The following BBS12 variants were observed in gnomAD, a reference collection of about 807,000 sequenced individuals.
BBS12 encodes chaperonin-containing T-complex member BBS12.
Under a neutral mutation model 5.6 loss-of-function variants are expected in BBS12, and 5 were observed. The ratio of observed to expected loss-of-function variants is 0.89; its 90% confidence interval spans 0.46 to 1.86. The LOEUF (loss-of-function observed/expected upper bound fraction) is 1.86. BBS12 is among the 40% of genes most tolerant of loss of function. The probability of loss-of-function intolerance (pLI) is 0.01; values close to 1 mark genes in which losing one functional copy is unlikely to be tolerated. For missense variants in BBS12, 748 were observed against 830.4 expected, an observed-to-expected ratio of 0.90 and a Z score of 1.22; for synonymous variants, 308 against 306.8, an observed-to-expected ratio of 1.00 and a Z score of -0.04.
At position 122,743,555 on chromosome 4, in the gene BBS12, G is replaced by A; in HGVS notation, c.1663G>A (p.Glu555Lys). Residue 555 changes from glutamate (E) to lysine (K), a missense_variant, in exon 2 of 2, where the codon GAG becomes AAG. By Grantham distance (56) the Glu-to-Lys change is moderately conservative. Transcript: ENST00000314218. ...TCTTAGCTGTCTTCATATTCTTGCAGAGCAATCTCTGAAAAAAGAAAACCA... is the reference window on the plus strand; with the variant it reads ...TCTTAGCTGTCTTCATATTCTTGCAAAGCAATCTCTGAAAAAAGAAAACCA... ...LCLSCLHILA[E>K]QSLKKENHAC... is the part of the protein sequence containing the mutation. 1.2e-6 allele frequency: 2 copies of A among 1,614,202 alleles called. No homozygotes were observed. The highest frequency in any genetic ancestry group is 2.2e-5 in the South Asian group (2 of 91,080).
At chr4:122,731,576 A>G (rs1376498097), upstream of BBS12, 1 of 152,220 alleles carries the variant, frequency 6.6e-6, no homozygotes, top group African/African-American at 2.4e-5. Flanking sequence ...ATAATGGCAA[A>G]AAAAAATCTT....
At chr4:122,712,765 G>A in the BBS12 span, among the ~76,000 whole-genome samples, 11 of 152,074 alleles carry the variant, frequency 7.2e-5, no homozygotes, top group African/African-American at 1.9e-4. Flanking sequence ...AAAGACTTCT[G>A]TAGAGTTCTA....
the BBS12 span, among the ~76,000 whole-genome samples, chr4:122,713,168 T>A: frequency 1.3e-5 from 2 of 152,352 alleles, no homozygotes; most frequent in African/African-American, 4.8e-5. Flanking sequence ...TATGTGGCTA[T>A]CATTAGAATA....
chr4:122,706,530 T>C, the BBS12 span, among the ~76,000 whole-genome samples: 2 of 152,092 alleles, frequency 1.3e-5, no homozygotes, highest in South Asian at 4.2e-4. Context: ...GAGCCCGGGA[T>C]TGCAAGACCA....
chr4:122,702,530 G>A, the BBS12 span, among the ~76,000 whole-genome samples: 1 of 152,168 alleles, frequency 6.6e-6, no homozygotes, highest in African/African-American at 2.4e-5. Context: ...TGTCTGCAGG[G>A]TAGGCTATGT....
chr4:122,707,518 G>A, the BBS12 span, among the ~76,000 whole-genome samples: 4 of 152,064 alleles, frequency 2.6e-5, no homozygotes, highest in African/African-American at 4.8e-5. Flanking sequence ...CTTGAACCAT[G>A]GGCTTACAAA....
At chr4:122,703,980 C>G in the BBS12 span, among the ~76,000 whole-genome samples, 7 of 152,280 alleles carry the variant, frequency 4.6e-5, no homozygotes, top group African/African-American at 1.7e-4. Flanking sequence ...TCTCGAACAG[C>G]TGGGACCACA....
At chr4:122,725,958 A>C in the BBS12 span, among the ~76,000 whole-genome samples, 1 of 151,654 alleles carries the variant, frequency 6.6e-6, no homozygotes, top group Non-Finnish European at 1.5e-5. Context: ...AAAACCTGCG[A>C]CTATAAAAAT....
the BBS12 span, among the ~76,000 whole-genome samples, chr4:122,701,567 T>C: frequency 2.0e-5 from 3 of 152,334 alleles, no homozygotes; most frequent in African/African-American, 7.2e-5. Flanking sequence ...TGAGAGAAGA[T>C]AGTGATTTTT....
chr4:122,727,698 G>A, the BBS12 span, among the ~76,000 whole-genome samples: 3 of 151,486 alleles, frequency 2.0e-5, no homozygotes, highest in African/African-American at 4.9e-5. Context: ...GATTACAGGC[G>A]CCTGCCACCA....
At chr4:122,726,598 C>CA in the BBS12 span, among the ~76,000 whole-genome samples, 190 of 152,194 alleles carry the variant, frequency 1.2e-3, no homozygotes, top group African/African-American at 4.1e-3. Flanking sequence ...AGTCATCATA[C>CA]AAAAAAGATA....
intron 1 of BBS12, among the ~76,000 whole-genome samples, chr4:122,734,756 G>C (rs1405045197): frequency 6.6e-6 from 1 of 152,006 alleles, no homozygotes; most frequent in East Asian, 1.9e-4. Flanking sequence ...TTTATATTTG[G>C]AATATTTACT....
rs747159816 is a variant in BBS12, at chr4:122,743,067, C to G, written c.1175C>G (p.Ser392Ter). Residue 392 changes from serine to a stop codon, truncating the protein, a stop_gained, in exon 2 of 2, where the codon TCA becomes TGA. Transcript: ENST00000314218. LOFTEE classifies it low-confidence loss of function (END_TRUNC). ...LDSMRLQEDSSEELWANHVLQ... is the reference protein window; with the variant it reads ...LDSMRLQEDS ...AGCATGCGGCTTCAAGAAGACAGCT[C>G]AGAAGAACTGTGGGCAAATCACGTG... 3.1e-6 allele frequency: 5 copies of G among 1,614,112 alleles called. No homozygotes were observed. In the African/African-American group the frequency reaches 4.0e-5, roughly 13 times the overall value.
At chr4:122,737,563 C>T (rs951665281) in intron 1 of BBS12, among the ~76,000 whole-genome samples, 18 of 152,186 alleles carry the variant, frequency 1.2e-4, no homozygotes, top group South Asian at 4.1e-4. Context: ...ATAACATGTT[C>T]GAAATGAAAA....
At chr4:122,725,179 T>C in the BBS12 span, among the ~76,000 whole-genome samples, 9 of 152,132 alleles carry the variant, frequency 5.9e-5, no homozygotes, top group Non-Finnish European at 1.3e-4. Flanking sequence ...GTGAAAATGA[T>C]CATACTGCCA....
the BBS12 span, among the ~76,000 whole-genome samples, chr4:122,701,486 C>G: frequency 8.5e-5 from 13 of 152,160 alleles, no homozygotes; most frequent in African/African-American, 3.1e-4. Flanking sequence ...TTATGTCTGT[C>G]TGCATAGATC....
intron 1 of BBS12, among the ~76,000 whole-genome samples, chr4:122,733,515 C>G (rs1454969635): frequency 1.3e-5 from 2 of 152,048 alleles, no homozygotes; most frequent in Non-Finnish European, 2.9e-5. Flanking sequence ...CACAGGTAGT[C>G]TGATTATCCA....
chr4:122,701,051 C>T, the BBS12 span, among the ~76,000 whole-genome samples: 1 of 152,022 alleles, frequency 6.6e-6, no homozygotes, highest in African/African-American at 2.4e-5. Context: ...CAGGTAAAAC[C>T]CTACTCAGTT....
chr4:122,711,177 T>A, the BBS12 span, among the ~76,000 whole-genome samples: 2 of 152,128 alleles, frequency 1.3e-5, no homozygotes, highest in Non-Finnish European at 2.9e-5. Context: ...AACTTCTCTG[T>A]GTAGGCATGA....
Sources: allele counts gnomAD v4.1 joint callset (sites outside exome capture counted in the v4.1 genomes callset), GRCh38; gene constraint gnomAD v4.1.1; transcripts MANE v1.5; gene names NCBI Gene and HGNC (gene_info 2026-07-23, HGNC 2026-07-21).